The following DNAJC8 variants were observed in gnomAD, a reference collection of about 807,000 sequenced individuals.
DNAJC8 encodes dnaJ homolog subfamily C member 8.
In DNAJC8, 24 loss-of-function variants were observed where a neutral mutation model predicts 43.2. The ratio of observed to expected loss-of-function variants is 0.56; its 90% CI spans 0.40 to 0.78. DNAJC8 has a LOEUF of 0.78. DNAJC8 is among the 30% of genes least tolerant of loss of function. The pLI is 0.00. For missense variants in DNAJC8, 207 were observed against 299.4 expected, an observed-to-expected ratio of 0.69 and a Z score of 2.28; for synonymous variants, 83 against 98.0, an observed-to-expected ratio of 0.85 and a Z score of 0.90.
chr1:28,218,795 T>A (rs987869852), intron 2 of DNAJC8, among the ~76,000 whole-genome samples: 4 of 152,122 alleles, frequency 2.6e-5, no homozygotes, highest in East Asian at 1.9e-4. Context: ...AGAATTTTCA[T>A]GTCAGTGTGC....
chr1:28,221,030 A>G (rs1237726081), intron 2 of DNAJC8, among the ~76,000 whole-genome samples: 1 of 151,664 alleles, frequency 6.6e-6, no homozygotes, highest in African/African-American at 2.4e-5. Flanking sequence ...CATCTCCTTT[A>G]GGATCTTCTG....
intron 3 of DNAJC8, among the ~76,000 whole-genome samples, chr1:28,214,064 T>C (rs192301802): frequency 6.6e-6 from 1 of 152,210 alleles, no homozygotes; most frequent in Non-Finnish European, 1.5e-5. Context: ...GGAGGGTTAC[T>C]CAGCTGTCAA....
chr1:28,209,793 G>A (rs1646798274), intron 5 of DNAJC8, among the ~76,000 whole-genome samples, 179 bp downstream of exon 5: 1 of 152,072 alleles, frequency 6.6e-6, no homozygotes, highest in South Asian at 2.1e-4. Context: ...TCTTCTCTTA[G>A]GGGTGAATTA....
intron 6 of DNAJC8, 76 bp downstream of exon 6, chr1:28,208,266 G>T (rs1646784470): frequency 2.9e-6 from 3 of 1,043,804 alleles, no homozygotes; most frequent in Non-Finnish European, 4.2e-6. Flanking sequence ...CATTCTTTTG[G>T]CTTCTGTCTC....
At chr1:28,226,773 ACTC>A (rs1353480344) in intron 2 of DNAJC8, among the ~76,000 whole-genome samples, 6 of 150,732 alleles carry the variant, frequency 4.0e-5, no homozygotes, top group Non-Finnish European at 8.9e-5. Context: ...TTTTGAGTAA[ACTC>A]CTCATGACTA....
rs560898272 is a variant in DNAJC8, at chr1:28,227,437, A to G, written c.180+1485T>C. 2.9e-4 allele frequency among the ~76,000 whole-genome samples: 44 copies of G among 149,816 alleles called. 1 individual carries two copies. The highest frequency in any genetic ancestry group is 5.0e-4 in the Non-Finnish European group (34 of 67,336). ...AAAAAAAAAAAAAAGCATTTAAAAC[A>G]GCACTGAGGCTGGACATGGTGGCGA... is the stretch of plus-strand genomic sequence containing the variant. On this transcript the variant is annotated intron_variant, in intron 2 of 8. Transcript: ENST00000263697.
Position 28,229,034 on chromosome 1 carries a change from G to A in DNAJC8, c.79-11C>T. ...CTCTATTTGTTTCACCTAAAATTAT[G>A]AGGATTAAAAACTTCATTAATAGAA... On this transcript the variant is annotated splice_polypyrimidine_tract_variant and intron_variant, in intron 1 of 8. Transcript: ENST00000263697. The A allele has an allele frequency of 2.5e-6, 4 of 1,608,570 alleles. No homozygotes were observed. Among genetic ancestry groups the A allele is most frequent in the Non-Finnish European group, 3.4e-6 (4 of 1,175,858 alleles).
At chr1:28,202,219 CTG>C (rs984523361) in intron 8 of DNAJC8, among the ~76,000 whole-genome samples, 1 of 152,230 alleles carries the variant, frequency 6.6e-6, no homozygotes, top group Non-Finnish European at 1.5e-5. Flanking sequence ...CATCACAACA[CTG>C]AGGCCCCATT....
chr1:28,208,431 TC>T lies in DNAJC8; in HGVS notation c.400-19del. The T allele has an allele frequency of 6.3e-7, 1 of 1,585,720 alleles. No homozygotes were observed. Among genetic ancestry groups the T allele is most frequent in the Non-Finnish European group, 8.6e-7 (1 of 1,156,882 alleles). On this transcript the variant is annotated intron_variant, in intron 5 of 8. Transcript: ENST00000263697. ...TCTTTCACCTAAAAAGAATTTTTTT[TC>T]ATCAAAAGACGAGCATCTGTGCTTT...
In DNAJC8 at chr1:28,209,870, G is replaced by A. The variant is rs181997048; in HGVS notation, c.399+102C>T. The A allele has an allele frequency of 2.2e-5, 22 of 978,200 alleles. No homozygotes were observed. In the East Asian group the frequency reaches 4.0e-4, roughly 18 times the overall value. The allele number at this position is 978,200 out of a possible 1,614,324, so 60.6% of individuals were successfully genotyped here. On this transcript the variant is annotated intron_variant, in intron 5 of 8. Transcript: ENST00000263697. ...GGTAGAGAGCACAGAAGTAGCCACA[G>A]GTTGTGCCAGTAGGCATTACTATGT...
chr1:28,215,028 G>C (rs1372430889), intron 2 of DNAJC8, 32 bp from the exon 3 acceptor site: 2 of 1,570,936 alleles, frequency 1.3e-6, no homozygotes, highest in Non-Finnish European at 1.7e-6. Flanking sequence ...CCATAAAAAA[G>C]GTGAAAATAA....
chr1:28,221,853 G>A (rs561011394), intron 2 of DNAJC8, among the ~76,000 whole-genome samples: 4 of 152,162 alleles, frequency 2.6e-5, no homozygotes, highest in Admixed American at 1.3e-4. Context: ...GTCCATCAGC[G>A]GATGAATGAA....
At chr1:28,229,072 CTGAAT>C (rs1181106125) in intron 1 of DNAJC8, 49 bp from the exon 2 acceptor site, 13 of 1,435,766 alleles carry the variant, frequency 9.1e-6, no homozygotes, top group Non-Finnish European at 1.3e-5. Flanking sequence ...CAATAACAAA[CTGAAT>C]TATCTTAACA....
chr1:28,215,861 T>C (rs2149018784), intron 2 of DNAJC8, among the ~76,000 whole-genome samples: 1 of 128,774 alleles, frequency 7.8e-6, no homozygotes, highest in East Asian at 2.0e-4. Flanking sequence ...TTTAAACAAA[T>C]AATTTTTTTT....
At chr1:28,210,672 G>A in intron 3 of DNAJC8, 35 bp from the exon 4 acceptor site, 1 of 1,574,562 alleles carries the variant, frequency 6.4e-7, no homozygotes, top group Non-Finnish European at 8.7e-7. Context: ...TGTCAATAAG[G>A]GAAACATTTA....
At chr1:28,227,993 TTTG>T (rs1646948589) in intron 2 of DNAJC8, among the ~76,000 whole-genome samples, 3 of 152,296 alleles carry the variant, frequency 2.0e-5, no homozygotes, top group South Asian at 2.1e-4. Flanking sequence ...TGATCTTTGT[TTTG>T]TTGTTGTTGG....
Position 28,203,762 on chromosome 1 carries a change from C to T in DNAJC8, c.624G>A (p.Trp208Ter). 1 of 1,614,024 alleles carries T rather than the reference C, an allele frequency of 6.2e-7. No individual in the cohort carries two copies. The highest frequency in any genetic ancestry group is 8.5e-7 in the Non-Finnish European group (1 of 1,179,940). ...AQEKAKRERE[W>*]QKNFEESRDG... ...GGAAATTTACCTCAAAGTTTTTCTG[C>T]CACTCTCTTTCCCGTTTGGCTTTTT... Residue 208 changes from tryptophan to a stop codon, truncating the protein, a stop_gained, in exon 8 of 9, where the codon TGG (tryptophan) becomes TGA (stop). Transcript: ENST00000263697. LOFTEE classifies it high-confidence loss of function.
chr1:28,202,302 T>C (rs1189327374), intron 8 of DNAJC8, among the ~76,000 whole-genome samples: 1 of 152,082 alleles, frequency 6.6e-6, no homozygotes, highest in Non-Finnish European at 1.5e-5. Context: ...TTTTGTGAGA[T>C]GCAGTCTCGC....
At chr1:28,213,252 ATTAT>A (rs1646827620) in intron 3 of DNAJC8, among the ~76,000 whole-genome samples, 1 of 152,198 alleles carries the variant, frequency 6.6e-6, no homozygotes, top group Non-Finnish European at 1.5e-5. Context: ...CTTAACTCTT[ATTAT>A]TTATGTAGCT....
Sources: allele counts gnomAD v4.1 joint callset (sites outside exome capture counted in the v4.1 genomes callset), GRCh38; gene constraint gnomAD v4.1.1; transcripts MANE v1.5; gene names NCBI Gene and HGNC (gene_info 2026-07-23, HGNC 2026-07-21).